The following RHOJ variants were observed in gnomAD, a reference collection of about 807,000 sequenced individuals.
The protein encoded by RHOJ is ras homolog family member J, also known as rho-related GTP-binding protein RhoJ.
RHOJ carries 11 observed loss-of-function variants against 23.4 expected under a neutral mutation model. The ratio of observed to expected loss-of-function variants is 0.47; its 90% CI spans 0.30 to 0.78. The LOEUF (loss-of-function observed/expected upper bound fraction) is 0.78, where lower values mean the gene tolerates loss of function less well. Among genes scored for constraint, RHOJ ranks in the 30% least tolerant of loss-of-function variants. The probability of loss-of-function intolerance (pLI) is 0.08; values close to 1 mark genes in which losing one functional copy is unlikely to be tolerated. For missense variants in RHOJ, 254 were observed against 273.4 expected, an observed-to-expected ratio of 0.93 and a Z score of 0.50; for synonymous variants, 102 against 102.7, an observed-to-expected ratio of 0.99 and a Z score of 0.04.
chr14:63,249,012 T>G (rs1378706547), intron 1 of RHOJ, among the ~76,000 whole-genome samples: 2 of 152,324 alleles, frequency 1.3e-5, no homozygotes, highest in East Asian at 3.9e-4. Context: ...CATGTACCAG[T>G]GCCTAAGCAA....
rs140851673 is a variant in RHOJ at position 63,209,795 on chromosome 14, A to G, written c.178+4748A>G. Reference sequence around the variant, plus strand: ...GGTCCATTAAAACTTTGATGAATAAATGAACAAATTGCTTGTCCAATAGAT... The same window carrying G: ...GGTCCATTAAAACTTTGATGAATAAGTGAACAAATTGCTTGTCCAATAGAT... On this transcript the variant is annotated intron_variant, in intron 1 of 4. Transcript: ENST00000316754. Among the ~76,000 whole-genome samples, 1,004 of 152,264 alleles carry G rather than the reference A, an allele frequency of 6.6e-3. 15 individuals are homozygous for G. The highest frequency in any genetic ancestry group is 0.023 in the African/African-American group (960 of 41,560).
rs1168973417 is a variant in RHOJ at position 63,291,768 on chromosome 14, ACT to A, written c.*747_*748del. The A allele has an allele frequency of 6.5e-6, 1 of 154,118 alleles. No individual in the cohort carries two copies. Among genetic ancestry groups the A allele is most frequent in the Admixed American group, 6.4e-5 (1 of 15,626 alleles). 9.5% of individuals were successfully genotyped at this position (154,118 alleles called of 1,614,324 possible). ...AGGTCCACATTTTTGCCAAAGATAC[ACT>A]CTATAGATGCTTAGTAGTGGCCTGA... is the stretch of plus-strand genomic sequence containing the variant. On this transcript the variant is annotated 3_prime_UTR_variant, in exon 5 of 5. Coordinates refer to ENST00000316754, the MANE Select transcript of RHOJ (RefSeq NM_020663.5).
intron 2 of RHOJ, among the ~76,000 whole-genome samples, chr14:63,273,266 G>T (rs1264492776): frequency 6.6e-6 from 1 of 152,184 alleles, no homozygotes; most frequent in Non-Finnish European, 1.5e-5. Context: ...TTACTTCTCA[G>T]ATCACACTAG....
At chr14:63,276,797 C>A (rs1355229462) in intron 2 of RHOJ, among the ~76,000 whole-genome samples, 1 of 152,216 alleles carries the variant, frequency 6.6e-6, no homozygotes, top group Non-Finnish European at 1.5e-5. Flanking sequence ...CCTTTGATAG[C>A]CACTGGGTTA....
chr14:63,213,838 A>T (rs906260319), intron 1 of RHOJ, among the ~76,000 whole-genome samples: 1 of 152,112 alleles, frequency 6.6e-6, no homozygotes, highest in Non-Finnish European at 1.5e-5. Flanking sequence ...ATGAAAGACT[A>T]TGGAGGAGTA....
intron 4 of RHOJ, 81 bp downstream of exon 4, chr14:63,283,297 C>T (rs2179967): frequency 0.092 from 105,521 of 1,142,398 alleles, 11,549 homozygotes; most frequent in African/African-American, 0.5. Context: ...GTGTGCAACA[C>T]TGGGTTTTGC....
chr14:63,250,539 C>T (rs1895051150), intron 1 of RHOJ, among the ~76,000 whole-genome samples: 2 of 152,162 alleles, frequency 1.3e-5, no homozygotes, highest in Admixed American at 1.3e-4. Context: ...TGCGCCTGGC[C>T]TCACATCTTT....
chr14:63,208,042 T>C (rs149590384), intron 1 of RHOJ, among the ~76,000 whole-genome samples: 8 of 152,320 alleles, frequency 5.3e-5, no homozygotes, highest in African/African-American at 1.2e-4. Flanking sequence ...ATGGAGTGTA[T>C]GTATTTTCTT....
At chr14:63,246,456 T>C (rs1345329974) in intron 1 of RHOJ, among the ~76,000 whole-genome samples, 2 of 152,186 alleles carry the variant, frequency 1.3e-5, no homozygotes, top group South Asian at 2.1e-4. Flanking sequence ...CAAACTGGTG[T>C]TCTATTCTCA....
At chr14:63,229,430 A>G (rs543027545) in intron 1 of RHOJ, among the ~76,000 whole-genome samples, 204 of 152,212 alleles carry the variant, frequency 1.3e-3, no homozygotes, top group Non-Finnish European at 2.4e-3. Flanking sequence ...TCAAAATCAA[A>G]TTGGTGGCCA....
intron 1 of RHOJ, among the ~76,000 whole-genome samples, chr14:63,212,167 A>T (rs546476700): frequency 6.6e-6 from 1 of 152,170 alleles, no homozygotes; most frequent in African/African-American, 2.4e-5. Flanking sequence ...ACTTGAATGG[A>T]AAGTTTTATG....
chr14:63,216,834 T>A (rs1894367511), intron 1 of RHOJ, among the ~76,000 whole-genome samples: 1 of 152,220 alleles, frequency 6.6e-6, no homozygotes. Context: ...TTTAGCCTCT[T>A]AATAAGTCTC....
chr14:63,234,622 T>G (rs544558239), intron 1 of RHOJ, among the ~76,000 whole-genome samples: 2 of 152,304 alleles, frequency 1.3e-5, no homozygotes, highest in African/African-American at 4.8e-5. Flanking sequence ...CCCACACATG[T>G]ACACACACAT....
chr14:63,286,824 T>A (rs140910468), intron 4 of RHOJ, among the ~76,000 whole-genome samples: 27 of 152,252 alleles, frequency 1.8e-4, no homozygotes, highest in African/African-American at 6.3e-4. Context: ...TGCATTATAG[T>A]CTTCAAAGAT....
chr14:63,251,894 G>A (rs1467309935), intron 1 of RHOJ, among the ~76,000 whole-genome samples: 2 of 152,092 alleles, frequency 1.3e-5, no homozygotes. Context: ...GCCGAGGCAG[G>A]CTGATCACTT....
chr14:63,229,908 G>T (rs947731520), intron 1 of RHOJ, among the ~76,000 whole-genome samples: 3 of 152,136 alleles, frequency 2.0e-5, no homozygotes, highest in Non-Finnish European at 4.4e-5. Flanking sequence ...ATACCGTGTT[G>T]GCTCTTAACA....
intron 1 of RHOJ, among the ~76,000 whole-genome samples, chr14:63,234,640 T>C (rs1387599477): frequency 2.0e-5 from 3 of 152,148 alleles, no homozygotes; most frequent in Non-Finnish European, 2.9e-5. Flanking sequence ...CATATAATTA[T>C]ATAGTTTTTC....
At position 63,281,123 on chromosome 14, in the gene RHOJ, C is replaced by T; in HGVS notation, c.390C>T (p.Leu130=). The change falls in exon 3 of 5, where the codon CTC becomes CTT. Residue 130 remains leucine, a synonymous_variant. Coordinates refer to ENST00000316754, the MANE Select transcript of RHOJ (RefSeq NM_020663.5). ...GCATGCCTCACGTGCCTTATGTCCT[C>T]ATAGGGACCCAGGTTAAAATGTGGG... The part of the protein sequence containing the change: ...KDCMPHVPYV[L]IGTQIDLRDD... The T allele has an allele frequency of 6.2e-7, 1 of 1,609,784 alleles. No individual in the cohort carries two copies. The highest frequency in any genetic ancestry group is 8.5e-7 in the Non-Finnish European group (1 of 1,178,486).
intron 1 of RHOJ, among the ~76,000 whole-genome samples, chr14:63,215,476 A>G (rs893015901): frequency 7.2e-5 from 11 of 152,252 alleles, no homozygotes; most frequent in Non-Finnish European, 1.2e-4. Flanking sequence ...ATCTTTTTGC[A>G]GCAAGTTACT....
Sources: gnomAD v4.1 joint callset for allele counts (sites outside exome capture counted in the v4.1 genomes callset) on GRCh38, gnomAD v4.1.1 for gene constraint, MANE v1.5 for transcripts, NCBI Gene and HGNC (gene_info 2026-07-23, HGNC 2026-07-21) for gene names.